Variants in ANOS1 observed in about 807,000 individuals in gnomAD.
ANOS1 encodes anosmin 1.
In ANOS1, 6 loss-of-function variants were observed where a neutral mutation model predicts 59.0. The ratio of observed to expected loss-of-function variants is 0.10; its 90% CI spans 0.06 to 0.20. The LOEUF (loss-of-function observed/expected upper bound fraction) is 0.20. ANOS1 is among the 10% of genes least tolerant of loss of function. The pLI is 1.00. For synonymous variants in ANOS1, 217 were observed against 223.4 expected, an observed-to-expected ratio of 0.97 and a Z score of 0.25; for missense variants, 433 against 542.3, an observed-to-expected ratio of 0.80 and a Z score of 2.00.
chrX:8,561,319 A>G (rs1344136315), intron 8 of ANOS1, among the ~76,000 whole-genome samples: 2 of 110,919 alleles, frequency 1.8e-5, no homozygotes, highest in Non-Finnish European at 3.8e-5. Context: ...ATTTTTTTTG[A>G]GACGGAGTCT....
At chrX:8,606,203 T>C (rs780244907) in intron 3 of ANOS1, among the ~76,000 whole-genome samples, 1 of 112,326 alleles carries the variant, frequency 8.9e-6, no homozygotes, top group Admixed American at 9.4e-5. Context: ...ACACCATCCA[T>C]AGACCCCTGT....
Position 8,690,408 on chromosome X carries a change from T to A in ANOS1, c.255+9290A>T, listed in dbSNP as rs983921130. On this transcript the variant is annotated intron_variant, in intron 2 of 13. Coordinates refer to ENST00000262648, the MANE Select transcript of ANOS1 (RefSeq NM_000216.4). Reference sequence around the variant, plus strand: ...AAAGTCAAGAGATATTGTATAAGCATCAGTAAGTATTGCAACAGGTCTAAA... The same window carrying A: ...AAAGTCAAGAGATATTGTATAAGCAACAGTAAGTATTGCAACAGGTCTAAA... 2.7e-5 allele frequency among the ~76,000 whole-genome samples: 3 copies of A among 112,262 alleles called. No individual in the cohort carries two copies. The Admixed American group carries it at 2.8e-4, about 11-fold the overall frequency.
At chrX:8,726,846 C>T (rs910098478) in intron 1 of ANOS1, among the ~76,000 whole-genome samples, 10 of 112,143 alleles carry the variant, frequency 8.9e-5, no homozygotes, top group African/African-American at 2.6e-4. Context: ...CACCACCTCC[C>T]TCCTTTCCTT....
intron 8 of ANOS1, among the ~76,000 whole-genome samples, chrX:8,562,447 C>T (rs1040406424): frequency 4.7e-5 from 4 of 84,755 alleles, no homozygotes; most frequent in African/African-American, 1.7e-4. Context: ...ATGTCTCCTC[C>T]ACTTTCAGTA....
intron 2 of ANOS1, among the ~76,000 whole-genome samples, chrX:8,675,794 C>T (rs556238339): frequency 1.4e-4 from 15 of 108,188 alleles, no homozygotes; most frequent in African/African-American, 5.1e-4. Flanking sequence ...CTGAACGTAT[C>T]GACCCATCAC....
intron 3 of ANOS1, among the ~76,000 whole-genome samples, chrX:8,605,519 G>A (rs575330968): frequency 2.8e-5 from 3 of 109,056 alleles, no homozygotes; most frequent in Non-Finnish European, 3.8e-5. Flanking sequence ...AAAATTAGCC[G>A]GGTGTGGTGG....
At chrX:8,728,498 G>A (rs1200449270) in intron 1 of ANOS1, among the ~76,000 whole-genome samples, 3 of 111,575 alleles carry the variant, frequency 2.7e-5, no homozygotes, top group South Asian at 3.7e-4. Flanking sequence ...CTACCCATTC[G>A]CGACGCTACA....
In ANOS1 at chrX:8,659,630, C is replaced by CTTCTTTCCTTCCTTCT. The variant is rs1555899875; in HGVS notation, c.256-35961_256-35960insAGAAGGAAGGAAAGAA. On this transcript the variant is annotated intron_variant, in intron 2 of 13. Transcript: ENST00000262648. ...CCTTCCTTCCTTCCTTCCTTCCTTC[C>CTTCTTTCCTTCCTTCT]TTCTTTCTTTTCTCTTTTTTCAGGG... Among the ~76,000 whole-genome samples, 396 of 45,177 alleles carry CTTCTTTCCTTCCTTCT rather than the reference C, an allele frequency of 8.8e-3. 7 individuals are homozygous for CTTCTTTCCTTCCTTCT. Among genetic ancestry groups the CTTCTTTCCTTCCTTCT allele is most frequent in the Middle Eastern group, 0.014 (1 of 69 alleles). The allele number at this position is 45,177 out of a possible 115,157, so 39.2% of individuals were successfully genotyped here.
At chrX:8,572,552 C>T (rs762255903) in intron 6 of ANOS1, among the ~76,000 whole-genome samples, 2 of 112,089 alleles carry the variant, frequency 1.8e-5, no homozygotes, top group South Asian at 7.5e-4. Flanking sequence ...CATTTGGGTT[C>T]ATTCCATGTC....
At chrX:8,572,755 C>T (rs1371134879) in intron 6 of ANOS1, among the ~76,000 whole-genome samples, 2 of 111,846 alleles carry the variant, frequency 1.8e-5, no homozygotes, top group Non-Finnish European at 3.8e-5. Flanking sequence ...ATGCTGATTC[C>T]CTGAGTGCAG....
At chrX:8,631,619 ATAGG>A (rs1931490048) in intron 2 of ANOS1, among the ~76,000 whole-genome samples, 1 of 111,866 alleles carries the variant, frequency 8.9e-6, no homozygotes, top group African/African-American at 3.3e-5. Context: ...GAACACGTTA[ATAGG>A]CAGAAAACAA....
At chrX:8,668,079 G>C (rs765039974) in intron 2 of ANOS1, among the ~76,000 whole-genome samples, 49 of 108,409 alleles carry the variant, frequency 4.5e-4, no homozygotes, top group African/African-American at 1.6e-3. Flanking sequence ...GTGGTATTTG[G>C]TTACATGAGT....
intron 1 of ANOS1, among the ~76,000 whole-genome samples, chrX:8,711,722 C>A (rs1190025568): frequency 8.9e-6 from 1 of 112,339 alleles, no homozygotes; most frequent in Non-Finnish European, 1.9e-5. Flanking sequence ...ATGCGATTAG[C>A]CATGGAGAAG....
At chrX:8,585,169 T>C (rs1930489235) in intron 6 of ANOS1, 98 bp downstream of exon 6, 4 of 964,823 alleles carry the variant, frequency 4.1e-6, no homozygotes, top group Non-Finnish European at 5.8e-6. Context: ...ACCTGTTGAC[T>C]AACTATAAAT....
At chrX:8,596,937 T>A in intron 4 of ANOS1, 97 bp downstream of exon 4, 1 of 1,159,731 alleles carries the variant, frequency 8.6e-7, no homozygotes, top group Non-Finnish European at 1.2e-6. Flanking sequence ...TTTATGTTTT[T>A]TAGACTTTTC....
At chrX:8,605,735 C>T (rs1930930790) in intron 3 of ANOS1, among the ~76,000 whole-genome samples, 1 of 109,106 alleles carries the variant, frequency 9.2e-6, no homozygotes, top group Non-Finnish European at 1.9e-5. Context: ...AATCAAAGGG[C>T]AGGTTATGTT....
At chrX:8,731,104 G>A (rs1455096770) in intron 1 of ANOS1, among the ~76,000 whole-genome samples, 2 of 112,362 alleles carry the variant, frequency 1.8e-5, no homozygotes, top group African/African-American at 6.5e-5. Context: ...GGGACTCGTT[G>A]AGGAGTATCC....
chrX:8,622,553 T>C lies in ANOS1; in HGVS notation c.318+1055A>G, dbSNP rs190588707. Among the ~76,000 whole-genome samples, 125 of 111,824 alleles carry C rather than the reference T, an allele frequency of 1.1e-3. 1 individual carries two copies. The highest frequency in any genetic ancestry group is 3.2e-3 in the African/African-American group (100 of 30,795). Reference sequence around the variant, plus strand: ...TTCTGTTCAAAGATAATCCATAACATCATTTCATTCTGATGTCGGGGGCAC... The same window carrying C: ...TTCTGTTCAAAGATAATCCATAACACCATTTCATTCTGATGTCGGGGGCAC... On this transcript the variant is annotated intron_variant, in intron 3 of 13. Transcript: ENST00000262648.
chrX:8,569,818 T>C (rs1410124923), intron 7 of ANOS1, among the ~76,000 whole-genome samples: 1 of 111,859 alleles, frequency 8.9e-6, no homozygotes, highest in Non-Finnish European at 1.9e-5. Flanking sequence ...GGAAAAGGTA[T>C]TTATGTAAAT....
Sources: allele counts gnomAD v4.1 joint callset (sites outside exome capture counted in the v4.1 genomes callset), GRCh38; gene constraint gnomAD v4.1.1; transcripts MANE v1.5; gene names NCBI Gene and HGNC (gene_info 2026-07-23, HGNC 2026-07-21).